Variants in ABTB2 observed in about 807,000 individuals in gnomAD.
The protein encoded by ABTB2 is ankyrin repeat and BTB domain containing 2, also known as ankyrin repeat and BTB/POZ domain-containing protein 2.
In ABTB2, 56 loss-of-function variants were observed where a neutral mutation model predicts 104.1. The observed-to-expected ratio is 0.54, with a 90% CI of 0.43 to 0.67. ABTB2 has a LOEUF of 0.67. Among genes scored for constraint, ABTB2 ranks in the 30% least tolerant of loss-of-function variants. The pLI is 0.00. For missense variants in ABTB2, 1,279 were observed against 1,407.7 expected, an observed-to-expected ratio of 0.91 and a Z score of 1.46; for synonymous variants, 606 against 608.2, an observed-to-expected ratio of 1.00 and a Z score of 0.05.
chr11:34,202,839 A>AAAAAC (rs56088689), intron 2 of ABTB2, among the ~76,000 whole-genome samples: 38,067 of 151,464 alleles, frequency 0.25, 5,948 homozygotes, highest in East Asian at 0.62. Context: ...ACTCCATCTC[A>AAAAAC]AAAACAAAAC....
At chr11:34,242,711 T>G (rs1256707778) in intron 1 of ABTB2, among the ~76,000 whole-genome samples, 1 of 152,018 alleles carries the variant, frequency 6.6e-6, no homozygotes, top group Non-Finnish European at 1.5e-5. Flanking sequence ...GGTGTAAGGG[T>G]GTATGACAGA....
chr11:34,342,748 G>C (rs1255033345), intron 1 of ABTB2, among the ~76,000 whole-genome samples: 4 of 152,114 alleles, frequency 2.6e-5, no homozygotes, highest in Admixed American at 2.6e-4. Flanking sequence ...CATGGTTGAA[G>C]AGTAGAGAAT....
At chr11:34,335,887 T>A in intron 1 of ABTB2, 2 of 841,818 alleles carry the variant, frequency 2.4e-6, no homozygotes, top group Non-Finnish European at 3.9e-6. Flanking sequence ...ATGAGACACC[T>A]AAACCTGACA....
At chr11:34,296,568 A>G (rs1854625144) in intron 1 of ABTB2, among the ~76,000 whole-genome samples, 1 of 152,170 alleles carries the variant, frequency 6.6e-6, no homozygotes, top group Non-Finnish European at 1.5e-5. Context: ...TCACAAGGCC[A>G]GTGTGCCCTG....
chr11:34,172,389 A>AT (rs1275665697), intron 4 of ABTB2, among the ~76,000 whole-genome samples: 4 of 58,878 alleles, frequency 6.8e-5, no homozygotes, highest in Non-Finnish European at 1.1e-4. Context: ...AAAAAAAAAA[A>AT]AAAAAAATAT....
chr11:34,157,010 C>A (rs745798678), intron 14 of ABTB2, among the ~76,000 whole-genome samples: 5 of 152,126 alleles, frequency 3.3e-5, no homozygotes, highest in Non-Finnish European at 7.4e-5. Context: ...CCTCTGTTTC[C>A]TCCTCCAGAA....
intron 1 of ABTB2, among the ~76,000 whole-genome samples, chr11:34,302,745 G>A (rs979797032): frequency 6.6e-6 from 1 of 152,152 alleles, no homozygotes. Context: ...CCTCTTTAGC[G>A]CTTGCGAGGG....
In ABTB2 at chr11:34,343,686, C is replaced by T. The variant is rs903821442; in HGVS notation, c.883+13015G>A. Among the ~76,000 whole-genome samples the T allele has an allele frequency of 4.1e-5, 6 of 146,608 alleles. No individual in the cohort carries two copies. In the East Asian group the frequency reaches 1.2e-3, roughly 28 times the overall value. ...ACAGGGTTTCACCAAGTTGGCCAGG[C>T]TGGTCTCGAACTCCTGGCCTCAGGT... On this transcript the variant is annotated intron_variant, in intron 1 of 16. Transcript: ENST00000435224.
At chr11:34,235,038 T>G (rs984886296) in intron 1 of ABTB2, among the ~76,000 whole-genome samples, 2 of 152,108 alleles carry the variant, frequency 1.3e-5, no homozygotes, top group African/African-American at 4.8e-5. Context: ...TTTTTTTGTA[T>G]TTTTAGTAGA....
Position 34,213,385 on chromosome 11 carries a change from C to T in ABTB2, c.884-8695G>A, listed in dbSNP as rs554466058. 2.0e-5 allele frequency among the ~76,000 whole-genome samples: 3 copies of T among 152,290 alleles called. No individual in the cohort carries two copies. The South Asian group carries it at 6.2e-4, about 32-fold the overall frequency. ...GTCCCAGCTGCTCAGGAGGCTGAGG[C>T]AGGAGAATCACTTGAACCAGGGAGG... On this transcript the variant is annotated intron_variant, in intron 1 of 16. Coordinates refer to ENST00000435224, the MANE Select transcript of ABTB2 (RefSeq NM_145804.3).
At chr11:34,294,549 C>T (rs1462459475) in intron 1 of ABTB2, among the ~76,000 whole-genome samples, 2 of 152,024 alleles carry the variant, frequency 1.3e-5, no homozygotes, top group East Asian at 1.9e-4. Flanking sequence ...AATTGAAAGA[C>T]AATGTGCATG....
chr11:34,221,738 A>T (rs1853626318), intron 1 of ABTB2, among the ~76,000 whole-genome samples: 1 of 152,194 alleles, frequency 6.6e-6, no homozygotes, highest in African/African-American at 2.4e-5. Flanking sequence ...TCACTCACTT[A>T]ATTTTAATTT....
chr11:34,323,272 G>T (rs1855028045), intron 1 of ABTB2, among the ~76,000 whole-genome samples: 1 of 152,192 alleles, frequency 6.6e-6, no homozygotes, highest in African/African-American at 2.4e-5. Context: ...TGATGTCTGG[G>T]ATTTGCTTTA....
At position 34,204,566 on chromosome 11, in the gene ABTB2, G is replaced by A. The variant is rs562105469; in HGVS notation, c.1008C>T (p.Cys336=). The change falls in exon 2 of 17, where the codon TGC becomes TGT. Residue 336 remains cysteine, a synonymous_variant. Transcript: ENST00000435224. ...RTLEQSLLAT[C]VGSISELSDL... is the part of the protein sequence containing the mutation. ...TACTCAGCTCCGAGATGCTGCCCACGCAGGTGGCCAGGAGGGACTGCTCCA... is the reference window on the plus strand; with the variant it reads ...TACTCAGCTCCGAGATGCTGCCCACACAGGTGGCCAGGAGGGACTGCTCCA... 1.8e-5 allele frequency: 29 copies of A among 1,612,340 alleles called. 1 individual carries two copies. Among genetic ancestry groups the A allele is most frequent in the African/African-American group, 1.1e-4 (8 of 75,010 alleles).
At chr11:34,292,136 G>T (rs887218990) in intron 1 of ABTB2, among the ~76,000 whole-genome samples, 1 of 152,062 alleles carries the variant, frequency 6.6e-6, no homozygotes, top group African/African-American at 2.4e-5. Context: ...ATTTCATTCT[G>T]CTTGAGACAC....
chr11:34,170,875 T>A (rs1852863448), intron 5 of ABTB2, 31 bp downstream of exon 5: 1 of 1,602,250 alleles, frequency 6.2e-7, no homozygotes, highest in Admixed American at 1.7e-5. Context: ...CTGGTCCTCG[T>A]GCCTGTCTTT....
At chr11:34,168,457 C>T (rs919648719) in intron 5 of ABTB2, among the ~76,000 whole-genome samples, 3 of 152,210 alleles carry the variant, frequency 2.0e-5, no homozygotes, top group African/African-American at 7.2e-5. Flanking sequence ...CAACAACACT[C>T]TCATGGCTAC....
intron 1 of ABTB2, among the ~76,000 whole-genome samples, chr11:34,214,416 G>A (rs1018445): frequency 0.83 from 126,159 of 152,068 alleles, 52,481 homozygotes; most frequent in East Asian, 1. Flanking sequence ...AGGCAGAGGA[G>A]GGTGACAAAA....
chr11:34,181,468 G>A (rs550332794), intron 3 of ABTB2, among the ~76,000 whole-genome samples: 11 of 152,214 alleles, frequency 7.2e-5, no homozygotes, highest in Non-Finnish European at 1.3e-4. Flanking sequence ...CACATGACCC[G>A]GGCCCCAAGC....
Sources: gnomAD v4.1 joint callset for allele counts (sites outside exome capture counted in the v4.1 genomes callset) on GRCh38, gnomAD v4.1.1 for gene constraint, MANE v1.5 for transcripts, NCBI Gene and HGNC (gene_info 2026-07-23, HGNC 2026-07-21) for gene names.